PKNOX2: variants seen among roughly 807,000 people sequenced by gnomAD.
The protein encoded by PKNOX2 is homeobox protein PKNOX2.
PKNOX2 carries 14 observed loss-of-function variants against 53.1 expected under a neutral mutation model. That is an observed-to-expected ratio of 0.26 (90% CI 0.17 to 0.41). PKNOX2 has a LOEUF of 0.41. Ranked by LOEUF, PKNOX2 falls within the 10% of genes least tolerant of loss-of-function variation. The pLI is 1.00. For synonymous variants in PKNOX2, 257 were observed against 242.8 expected (o/e 1.06, Z -0.54); for missense variants, 496 against 602.8 (o/e 0.82, Z 1.85).
intron 2 of PKNOX2, among the ~76,000 whole-genome samples, chr11:125,314,460 G>A (rs1413593088): frequency 2.0e-5 from 3 of 152,148 alleles, no homozygotes; most frequent in African/African-American, 7.2e-5. Context: ...AGATGGCCCG[G>A]CAGTTTCTCC....
intron 1 of PKNOX2, among the ~76,000 whole-genome samples, chr11:125,172,985 G>C (rs960629953): frequency 6.6e-6 from 1 of 152,170 alleles, no homozygotes; most frequent in African/African-American, 2.4e-5. Flanking sequence ...TTTTCTTGTT[G>C]AGACAGCGTG....
At chr11:125,200,520 A>G (rs1044206138) in intron 1 of PKNOX2, among the ~76,000 whole-genome samples, 6 of 152,070 alleles carry the variant, frequency 3.9e-5, no homozygotes, top group Non-Finnish European at 8.8e-5. Flanking sequence ...ATGGCTCTCC[A>G]TGCACCATGC....
intron 2 of PKNOX2, among the ~76,000 whole-genome samples, chr11:125,318,262 A>G (rs1044930069): frequency 6.7e-5 from 10 of 148,540 alleles, no homozygotes; most frequent in Non-Finnish European, 1.5e-4. Flanking sequence ...ACCCGCCATC[A>G]TGCCTGGCTA....
At chr11:125,182,276 G>A (rs1034516578) in intron 1 of PKNOX2, among the ~76,000 whole-genome samples, 4 of 152,112 alleles carry the variant, frequency 2.6e-5, no homozygotes, top group Non-Finnish European at 2.9e-5. Context: ...TCAGGAGAGA[G>A]GGAGAGAATG....
intron 5 of PKNOX2, among the ~76,000 whole-genome samples, chr11:125,377,891 A>G (rs1165157311): frequency 9.2e-5 from 14 of 152,226 alleles, no homozygotes; most frequent in Admixed American, 7.2e-4. Flanking sequence ...CGCGGGCTGG[A>G]CAAGCTTGAT....
intron 2 of PKNOX2, among the ~76,000 whole-genome samples, chr11:125,257,024 C>A (rs1235066748): frequency 6.8e-6 from 1 of 145,998 alleles, no homozygotes; most frequent in Admixed American, 6.8e-5. Context: ...TTTTTTCCTT[C>A]TTCTTTGCAG....
At chr11:125,430,283 C>A in intron 12 of PKNOX2, 142 bp downstream of exon 12, 5 of 1,026,960 alleles carry the variant, frequency 4.9e-6, no homozygotes, top group Non-Finnish European at 6.9e-6. Flanking sequence ...TATCCCTCCC[C>A]AAAGCCCTAA....
intron 1 of PKNOX2, among the ~76,000 whole-genome samples, chr11:125,220,808 T>G (rs1388202125): frequency 1.3e-5 from 2 of 152,106 alleles, no homozygotes; most frequent in Non-Finnish European, 2.9e-5. Context: ...AGGGACAGGG[T>G]GGAGGCCCAA....
intron 1 of PKNOX2, among the ~76,000 whole-genome samples, chr11:125,174,171 A>T (rs12293190): frequency 6.6e-6 from 1 of 152,034 alleles, no homozygotes; most frequent in African/African-American, 2.4e-5. Flanking sequence ...CAGGGCAGGG[A>T]GACAGACGCC....
intron 10 of PKNOX2, among the ~76,000 whole-genome samples, chr11:125,416,204 G>C (rs1256757249): frequency 6.7e-6 from 1 of 149,852 alleles, no homozygotes; most frequent in Non-Finnish European, 1.5e-5. Context: ...TTGGGAGGCT[G>C]AGGCAGGAGA....
intron 2 of PKNOX2, among the ~76,000 whole-genome samples, chr11:125,304,810 A>G (rs544197836): frequency 6.6e-6 from 1 of 152,312 alleles, no homozygotes; most frequent in African/African-American, 2.4e-5. Flanking sequence ...CTATGTGCCA[A>G]TTACTGTCCT....
At chr11:125,238,889 A>T (rs1942942572) in intron 2 of PKNOX2, among the ~76,000 whole-genome samples, 1 of 152,232 alleles carries the variant, frequency 6.6e-6, no homozygotes, top group Non-Finnish European at 1.5e-5. Context: ...TTTGAAGCCC[A>T]GCCTTGGCAC....
chr11:125,409,745 G>A (rs998563860), intron 7 of PKNOX2, among the ~76,000 whole-genome samples: 10 of 152,094 alleles, frequency 6.6e-5, no homozygotes, highest in Non-Finnish European at 1.3e-4. Context: ...CTCAGACCCG[G>A]CTGACAGTGG....
chr11:125,355,283 A>C (rs1033214908), intron 4 of PKNOX2, among the ~76,000 whole-genome samples: 2 of 151,454 alleles, frequency 1.3e-5, no homozygotes, highest in African/African-American at 4.8e-5. Flanking sequence ...AAAAGAAAAA[A>C]AAAAAAAAAA....
At chr11:125,236,156 C>T (rs143671306) in intron 2 of PKNOX2, among the ~76,000 whole-genome samples, 25 of 152,340 alleles carry the variant, frequency 1.6e-4, no homozygotes, top group African/African-American at 4.6e-4. Flanking sequence ...GGCCGCCCTG[C>T]GATCGGCTAA....
chr11:125,298,235 C>A (rs975064133), intron 2 of PKNOX2, among the ~76,000 whole-genome samples: 24 of 152,242 alleles, frequency 1.6e-4, no homozygotes, highest in Non-Finnish European at 2.4e-4. Context: ...AGATGAAGGG[C>A]CTTGCATAGG....
chr11:125,268,412 G>A (rs747323459), intron 2 of PKNOX2, among the ~76,000 whole-genome samples: 2 of 152,344 alleles, frequency 1.3e-5, no homozygotes, highest in Middle Eastern at 3.4e-3. Flanking sequence ...CTCCTTGACC[G>A]CTTCACAGGA....
chr11:125,204,883 G>A (rs1416581258), intron 1 of PKNOX2, among the ~76,000 whole-genome samples: 3 of 152,186 alleles, frequency 2.0e-5, no homozygotes, highest in Non-Finnish European at 2.9e-5. Flanking sequence ...TGTCTGGTGT[G>A]ATTGGCTCTC....
chr11:125,398,385 T>G (rs972981452), intron 7 of PKNOX2, among the ~76,000 whole-genome samples: 5 of 152,178 alleles, frequency 3.3e-5, no homozygotes, highest in African/African-American at 1.2e-4. Flanking sequence ...GAAGGAAAGC[T>G]CTCCTGGAGG....
Sources: allele counts gnomAD v4.1 joint callset (sites outside exome capture counted in the v4.1 genomes callset), GRCh38; gene constraint gnomAD v4.1.1; transcripts MANE v1.5; gene names NCBI Gene and HGNC (gene_info 2026-07-23, HGNC 2026-07-21).